HTRA1: variants seen among roughly 807,000 people sequenced by gnomAD.
HTRA1 encodes serine protease HTRA1.
Under a neutral mutation model 49.7 loss-of-function variants are expected in HTRA1, and 26 were observed. The observed-to-expected ratio is 0.52, with a 90% confidence interval of 0.38 to 0.73. HTRA1 has a LOEUF of 0.73. HTRA1 is among the 30% of genes least tolerant of loss of function. The pLI, the probability that HTRA1 is intolerant of heterozygous loss-of-function variation, is 0.00. For missense variants in HTRA1, 561 were observed against 667.2 expected (o/e 0.84, Z 1.75); for synonymous variants, 291 against 286.9 (o/e 1.01, Z -0.14).
At chr10:122,496,174 G>A (rs566847969) in intron 3 of HTRA1, among the ~76,000 whole-genome samples, 18 of 146,676 alleles carry the variant, frequency 1.2e-4, no homozygotes, top group South Asian at 4.3e-4. Context: ...GCCGCGGCGA[G>A]CAGGAAGAGA....
intron 3 of HTRA1, among the ~76,000 whole-genome samples, chr10:122,496,228 C>CTTTTTTTTTTTT (rs71026021): frequency 9.3e-5 from 7 of 75,646 alleles, no homozygotes; most frequent in African/African-American, 3.8e-4. Flanking sequence ...ATTGTGGGTT[C>CTTTTTTTTTTTT]TTTTTTTTTT....
At chr10:122,507,166 C>A (rs1194901582) in intron 4 of HTRA1, among the ~76,000 whole-genome samples, 6 of 152,138 alleles carry the variant, frequency 3.9e-5, no homozygotes, top group Non-Finnish European at 8.8e-5. Flanking sequence ...GAGAAAATCT[C>A]CCTGTTTACG....
At chr10:122,496,571 G>C (rs1193341715) in intron 3 of HTRA1, among the ~76,000 whole-genome samples, 1 of 152,086 alleles carries the variant, frequency 6.6e-6, no homozygotes, top group Non-Finnish European at 1.5e-5. Flanking sequence ...GTGATGTAAA[G>C]TAAATATGGC....
chr10:122,479,559 T>A (rs1056921337), intron 1 of HTRA1, among the ~76,000 whole-genome samples: 3 of 152,204 alleles, frequency 2.0e-5, no homozygotes, highest in Admixed American at 1.3e-4. Context: ...TTGATAATAT[T>A]ATTTTATTGC....
At chr10:122,463,760 G>T (rs1365871998) in intron 1 of HTRA1, among the ~76,000 whole-genome samples, 1 of 152,216 alleles carries the variant, frequency 6.6e-6, no homozygotes, top group Non-Finnish European at 1.5e-5. Context: ...CTCATTCAGA[G>T]GAGTCAGCCC....
At chr10:122,485,363 C>T (rs1174782376) in intron 1 of HTRA1, among the ~76,000 whole-genome samples, 2 of 152,212 alleles carry the variant, frequency 1.3e-5, no homozygotes, top group East Asian at 3.8e-4. Context: ...GCTCCCACTG[C>T]TCCTTCTTTC....
At chr10:122,482,808 C>T (rs1183286699) in intron 1 of HTRA1, among the ~76,000 whole-genome samples, 3 of 150,210 alleles carry the variant, frequency 2.0e-5, no homozygotes, top group Non-Finnish European at 1.5e-5. Context: ...ATCCCAGCTA[C>T]TCAGGAGGCT....
chr10:122,469,793 T>C (rs1289953017), intron 1 of HTRA1, among the ~76,000 whole-genome samples: 2 of 152,226 alleles, frequency 1.3e-5, no homozygotes, highest in Non-Finnish European at 2.9e-5. Flanking sequence ...CCCATGTCTG[T>C]TTCACTCCCA....
chr10:122,510,138 T>A lies in HTRA1; in HGVS notation c.1163T>A (p.Met388Lys). The A allele has an allele frequency of 1.2e-6, 2 of 1,614,032 alleles. No homozygotes were observed. Among genetic ancestry groups the A allele is most frequent in the Non-Finnish European group, 1.7e-6 (2 of 1,179,834 alleles). ...TKKKYIGIRM[M>K]SLTSSKAKEL... ...AAGAAGTATATTGGTATCCGAATGA[T>A]GTCACTCACGTCCAGGTGGGTAAAC... The change falls in exon 7 of 9, where the codon ATG becomes AAG. Residue 388 changes from methionine (M) to lysine (K), a missense_variant. Physicochemically the swap from Met to Lys is moderately conservative, Grantham distance 95 (BLOSUM62 -1). Coordinates refer to ENST00000368984, the MANE Select transcript of HTRA1 (RefSeq NM_002775.5).
At chr10:122,486,220 C>T (rs775228782) in intron 1 of HTRA1, among the ~76,000 whole-genome samples, 29 of 152,114 alleles carry the variant, frequency 1.9e-4, no homozygotes, top group Non-Finnish European at 2.5e-4. Context: ...TTAAAGTCTG[C>T]GAGCCTCAGT....
Position 122,488,726 on chromosome 10 carries a change from C to G in HTRA1, c.473-176C>G, listed in dbSNP as rs12267142. On this transcript the variant is annotated intron_variant, in intron 1 of 8. Transcript: ENST00000368984. ...TTTTACTGCCTTACCTGGGTGGGCACTCCCTTGGGAGGTGGATGGACATTT... is the reference window on the plus strand; with the variant it reads ...TTTTACTGCCTTACCTGGGTGGGCAGTCCCTTGGGAGGTGGATGGACATTT... Among the ~76,000 whole-genome samples, 7,056 of 152,290 alleles carry G rather than the reference C, an allele frequency of 0.046. 235 individuals carry two copies. Among genetic ancestry groups the G allele is most frequent in the East Asian group, 0.067 (348 of 5,178 alleles).
chr10:122,507,793 T>A (rs1345348344), intron 5 of HTRA1, among the ~76,000 whole-genome samples: 2 of 152,224 alleles, frequency 1.3e-5, no homozygotes, highest in African/African-American at 4.8e-5. Context: ...CTGAAGGAGC[T>A]GGCTGGGCTC....
At chr10:122,513,893 C>CTT (rs11295304) in intron 8 of HTRA1, among the ~76,000 whole-genome samples, 3 of 130,034 alleles carry the variant, frequency 2.3e-5, no homozygotes, top group Admixed American at 7.7e-5. Flanking sequence ...AAACCTGGCT[C>CTT]TTTTTTTTTT....
Position 122,490,543 on chromosome 10 carries a change from C to T in HTRA1, c.777+917C>T, listed in dbSNP as rs2097495280. ...GTGAAAGCGTGGTTTCCAGTTTCTTCACATCCTTATAATTTTCTAGACTTC... is the reference window on the plus strand; with the variant it reads ...GTGAAAGCGTGGTTTCCAGTTTCTTTACATCCTTATAATTTTCTAGACTTC... On this transcript the variant is annotated intron_variant, in intron 3 of 8. Coordinates refer to ENST00000368984, the MANE Select transcript of HTRA1 (RefSeq NM_002775.5). The surrounding 1 kb of genome is among the most constrained non-coding windows in gnomAD (Gnocchi z 4.2). Among the ~76,000 whole-genome samples, 1 of 152,128 alleles carries T rather than the reference C, an allele frequency of 6.6e-6. No homozygotes were observed. Among genetic ancestry groups the T allele is most frequent in the Admixed American group, 6.5e-5 (1 of 15,278 alleles).
rs184621713 is a variant in HTRA1, at chr10:122,502,860, C to G, written c.778-3831C>G. On this transcript the variant is annotated intron_variant, in intron 3 of 8. Transcript: ENST00000368984. ...GTTGTTTTTGCCCCGTCACTGCAGT[C>G]ATGCCCACACTTGCATTTTCTTTTC... 3.0e-4 allele frequency among the ~76,000 whole-genome samples: 46 copies of G among 152,368 alleles called. 1 individual carries two copies. Among genetic ancestry groups the G allele is most frequent in the African/African-American group, 9.6e-4 (40 of 41,592 alleles).
chr10:122,488,452 C>T (rs1565421466), intron 1 of HTRA1, among the ~76,000 whole-genome samples: 2 of 152,296 alleles, frequency 1.3e-5, no homozygotes, highest in East Asian at 1.9e-4. Context: ...ATCCCAGTTA[C>T]TCAGTAGGCT....
At chr10:122,479,799 G>C (rs2097490195) in intron 1 of HTRA1, among the ~76,000 whole-genome samples, 1 of 152,050 alleles carries the variant, frequency 6.6e-6, no homozygotes, top group South Asian at 2.1e-4. Flanking sequence ...GATGGCGATG[G>C]CTGCGGGGAT....
At chr10:122,471,700 G>A (rs1178827724) in intron 1 of HTRA1, among the ~76,000 whole-genome samples, 1 of 152,208 alleles carries the variant, frequency 6.6e-6, no homozygotes, top group East Asian at 1.9e-4. Flanking sequence ...CTCACAAGCT[G>A]CACAGCTCAT....
At chr10:122,510,531 C>T (rs555058607) in intron 7 of HTRA1, among the ~76,000 whole-genome samples, 7 of 152,302 alleles carry the variant, frequency 4.6e-5, no homozygotes, top group South Asian at 2.1e-4. Flanking sequence ...AAGCCCCTCC[C>T]GCAGCTCTAG....
Sources: allele counts gnomAD v4.1 joint callset (sites outside exome capture counted in the v4.1 genomes callset), GRCh38; gene constraint gnomAD v4.1.1; non-coding constraint Gnocchi (gnomAD v3.1); transcripts MANE v1.5; gene names NCBI Gene and HGNC (gene_info 2026-07-23, HGNC 2026-07-21).